Variants in FOCAD observed in about 807,000 individuals in gnomAD.
FOCAD encodes focadhesin, also known as KIAA1797.
FOCAD carries 198 observed loss-of-function variants against 225.6 expected under a neutral mutation model. The observed-to-expected ratio is 0.88, with a 90% CI of 0.78 to 0.99. The LOEUF (loss-of-function observed/expected upper bound fraction) is 0.99, where lower values mean the gene tolerates loss of function less well. Among genes scored for constraint, FOCAD ranks in the 50% least tolerant of loss-of-function variants. The pLI, the probability that FOCAD is intolerant of heterozygous loss-of-function variation, is 0.00. For synonymous variants in FOCAD, 897 were observed against 755.0 expected, an observed-to-expected ratio of 1.19 and a Z score of -3.08; for missense variants, 2,713 against 2,123.6, an observed-to-expected ratio of 1.28 and a Z score of -5.46.
upstream of FOCAD, among the ~76,000 whole-genome samples, chr9:20,656,244 G>A (rs1821473033): frequency 6.6e-6 from 1 of 151,288 alleles, no homozygotes; most frequent in Non-Finnish European, 1.5e-5. Context: ...TGAAAAAAAT[G>A]TATATTCTGT....
chr9:20,715,044 T>G (rs969901640), intron 1 of FOCAD, among the ~76,000 whole-genome samples: 1 of 152,230 alleles, frequency 6.6e-6, no homozygotes, highest in Non-Finnish European at 1.5e-5. Context: ...TTTTGGATGT[T>G]TTTTTCATTT....
intron 26 of FOCAD, 195 bp from the exon 27 acceptor site, chr9:20,929,163 G>C (rs1294338924): frequency 3.7e-6 from 2 of 538,140 alleles, no homozygotes; most frequent in Non-Finnish European, 6.5e-6. Flanking sequence ...TAATTATTTA[G>C]TAGCAAAACA....
chr9:20,874,087 A>C (rs972765787), intron 18 of FOCAD: 2 of 152,196 alleles, frequency 1.3e-5, no homozygotes, highest in African/African-American at 4.8e-5. Context: ...AAATCCTCAA[A>C]ATGCAAATTA....
At chr9:20,769,281 C>G (rs1179685576) in intron 7 of FOCAD, among the ~76,000 whole-genome samples, 4 of 152,174 alleles carry the variant, frequency 2.6e-5, no homozygotes, top group Non-Finnish European at 5.9e-5. Context: ...AAAGGTACTG[C>G]CGGTCAACCG....
At chr9:20,986,195 C>A (rs1333482250) in intron 39 of FOCAD, 93 bp from the exon 40 acceptor site, 1 of 1,183,436 alleles carries the variant, frequency 8.4e-7, no homozygotes, top group Non-Finnish European at 1.1e-6. Flanking sequence ...TAACATCCAA[C>A]TCATCTTTTT....
chr9:20,935,932 T>C (rs1478263467), intron 28 of FOCAD, among the ~76,000 whole-genome samples: 2 of 152,214 alleles, frequency 1.3e-5, no homozygotes, highest in Non-Finnish European at 2.9e-5. Context: ...TTAAAATTAT[T>C]TTCTCATTTC....
chr9:20,928,430 A>C (rs1218001447), intron 26 of FOCAD, among the ~76,000 whole-genome samples: 1 of 152,214 alleles, frequency 6.6e-6, no homozygotes, highest in Non-Finnish European at 1.5e-5. Flanking sequence ...TAGAATTAAA[A>C]ACATATTTTA....
At chr9:20,923,623 C>A in intron 24 of FOCAD, 37 bp from the exon 25 acceptor site, 1 of 1,550,414 alleles carries the variant, frequency 6.4e-7, no homozygotes, top group Non-Finnish European at 8.9e-7. Flanking sequence ...TGGTTAATAC[C>A]AAAGTTCTCT....
rs148743517 is a variant in FOCAD at position 20,876,798 on chromosome 9, A to G, written c.2317+1991A>G. On this transcript the variant is annotated intron_variant, in intron 19 of 43. Coordinates refer to ENST00000338382, the MANE Select transcript of FOCAD (RefSeq NM_001375567.1). ...CTAAAATGCACAGGATGAATGATAT[A>G]TATTAGTCACCAAATGCTACAGACA... Among the ~76,000 whole-genome samples the G allele has an allele frequency of 2.3e-3, 347 of 152,302 alleles. 9 individuals are homozygous for G. The East Asian group carries it at 0.044, about 19-fold the overall frequency.
chr9:20,830,913 AGC>A (rs1183641699), intron 15 of FOCAD, among the ~76,000 whole-genome samples: 2 of 152,036 alleles, frequency 1.3e-5, no homozygotes, highest in African/African-American at 4.8e-5. Context: ...CCTTGGCTCA[AGC>A]AGTCCTCTCA....
At chr9:20,934,779 A>G (rs1364675250) in intron 28 of FOCAD, among the ~76,000 whole-genome samples, 2 of 152,184 alleles carry the variant, frequency 1.3e-5, no homozygotes, top group Non-Finnish European at 2.9e-5. Context: ...TTCTGGACAC[A>G]AAATTAATGT....
chr9:20,985,118 T>G (rs2132656787), intron 39 of FOCAD, among the ~76,000 whole-genome samples: 1 of 152,300 alleles, frequency 6.6e-6, no homozygotes, highest in South Asian at 2.1e-4. Context: ...TTGTAGTTCC[T>G]TAAAGGTTAG....
At chr9:20,788,826 T>TG (rs1482693059) in intron 10 of FOCAD, among the ~76,000 whole-genome samples, 1 of 152,198 alleles carries the variant, frequency 6.6e-6, no homozygotes, top group Non-Finnish European at 1.5e-5. Context: ...CATTTCCTAT[T>TG]GCAGAAGTTA....
Position 20,951,003 on chromosome 9 carries a change from G to T in FOCAD, c.3956G>T (p.Ser1319Ile). The change falls in exon 34 of 44, where the codon AGT becomes ATT. Residue 1319 changes from serine (S) to isoleucine (I), a missense_variant. By Grantham distance (142) the Ser-to-Ile change is moderately radical. Coordinates refer to ENST00000338382, the MANE Select transcript of FOCAD (RefSeq NM_001375567.1). ...TTACCTTTTTATTTGTAGGTCATTAGTGTCTCTGGGGTGATTGGTCTCCAG... is the reference window on the plus strand; with the variant it reads ...TTACCTTTTTATTTGTAGGTCATTATTGTCTCTGGGGTGATTGGTCTCCAG... ...EVIRTLTQVI[S>I]VSGVIGLQSN... 1 of 1,612,776 alleles carries T rather than the reference G, an allele frequency of 6.2e-7. No individual in the cohort carries two copies. Among genetic ancestry groups the T allele is most frequent in the Non-Finnish European group, 8.5e-7 (1 of 1,178,938 alleles).
chr9:20,704,594 G>A (rs1298826867), intron 1 of FOCAD, among the ~76,000 whole-genome samples: 1 of 152,144 alleles, frequency 6.6e-6, no homozygotes, highest in Non-Finnish European at 1.5e-5. Flanking sequence ...AAGGAAGAAA[G>A]CTTTTAAGTG....
At chr9:20,806,596 C>T (rs1045604272) in intron 11 of FOCAD, among the ~76,000 whole-genome samples, 7 of 152,116 alleles carry the variant, frequency 4.6e-5, no homozygotes, top group African/African-American at 1.7e-4. Context: ...TAATACCTTT[C>T]CCTCGGGGGC....
chr9:20,978,501 T>C (rs1840405104), intron 37 of FOCAD, 47 bp downstream of exon 37: 1 of 1,262,442 alleles, frequency 7.9e-7, no homozygotes, highest in Non-Finnish European at 1.1e-6. Flanking sequence ...TATTGTTCTT[T>C]AGGAGGATAT....
At chr9:20,820,878 G>A (rs1353514008) in intron 13 of FOCAD, 63 bp from the exon 14 acceptor site, 1 of 1,567,234 alleles carries the variant, frequency 6.4e-7, no homozygotes, top group African/African-American at 1.4e-5. Context: ...CTGAGTAAAA[G>A]GAAGATAATG....
intron 15 of FOCAD, among the ~76,000 whole-genome samples, chr9:20,826,051 G>C (rs1824855773): frequency 6.6e-6 from 1 of 152,108 alleles, no homozygotes; most frequent in African/African-American, 2.4e-5. Context: ...TGTTTTTAGG[G>C]CTGAATTGCT....
Sources: allele counts gnomAD v4.1 joint callset (sites outside exome capture counted in the v4.1 genomes callset), GRCh38; gene constraint gnomAD v4.1.1; transcripts MANE v1.5; gene names NCBI Gene and HGNC (gene_info 2026-07-23, HGNC 2026-07-21).